BPTF: variants seen among roughly 807,000 people sequenced by gnomAD.
BPTF encodes the protein bromodomain PHD finger transcription factor, also known as nucleosome-remodeling factor subunit BPTF.
In BPTF, 18 loss-of-function variants were observed where a neutral mutation model predicts 292.5. The observed-to-expected ratio is 0.06, with a 90% CI of 0.04 to 0.09. The LOEUF is 0.09. Ranked by LOEUF, BPTF falls within the 10% of genes least tolerant of loss-of-function variation. BPTF has a pLI of 1.00. For missense variants in BPTF, 2,726 were observed against 3,498.7 expected (o/e 0.78, Z 5.57); for synonymous variants, 1,225 against 1,251.9 (o/e 0.98, Z 0.45).
intron 23 of BPTF, among the ~76,000 whole-genome samples, chr17:67,954,775 G>A (rs1481968102): frequency 3.3e-5 from 5 of 152,084 alleles, no homozygotes; most frequent in African/African-American, 4.8e-5. Flanking sequence ...CCCAAAATCC[G>A]TCCCATGATG....
intron 15 of BPTF, among the ~76,000 whole-genome samples, chr17:67,925,958 T>C (rs1322834939): frequency 6.6e-6 from 1 of 151,424 alleles, no homozygotes; most frequent in Admixed American, 6.6e-5. Flanking sequence ...ATTGGGTGTG[T>C]TTTCTCATCT....
At chr17:67,851,355 T>C (rs1321306731) in intron 1 of BPTF, among the ~76,000 whole-genome samples, 1 of 151,266 alleles carries the variant, frequency 6.6e-6, no homozygotes, top group African/African-American at 2.4e-5. Context: ...GATGAACGCC[T>C]CAAGGGGCTC....
At chr17:67,929,562 G>T in intron 17 of BPTF, 75 bp downstream of exon 17, 1 of 1,493,992 alleles carries the variant, frequency 6.7e-7, no homozygotes, top group Non-Finnish European at 9.1e-7. Context: ...CTTCTTCCAA[G>T]ATTAATCCAA....
chr17:67,918,121 A>G (rs538420237), intron 11 of BPTF, among the ~76,000 whole-genome samples: 1 of 149,704 alleles, frequency 6.7e-6, no homozygotes, highest in Non-Finnish European at 1.5e-5. Flanking sequence ...TTTTTAATAG[A>G]GATGGGGTTT....
Position 67,885,134 on chromosome 17 carries a change from G to A in BPTF, c.1865-6710G>A, listed in dbSNP as rs550031458. 8.5e-4 allele frequency among the ~76,000 whole-genome samples: 130 copies of A among 152,270 alleles called. 1 individual carries two copies. The highest frequency in any genetic ancestry group is 3.0e-3 in the African/African-American group (126 of 41,548). ...CTATCAACCAATTTTTAGGTGATTT[G>A]AAGAGTATCTTGTCAGTGGCAAAAA... On this transcript the variant is annotated intron_variant, in intron 4 of 27. Coordinates refer to ENST00000306378, the MANE Select transcript of BPTF (RefSeq NM_182641.4).
chr17:67,948,358 C>A, intron 23 of BPTF, 52 bp downstream of exon 23: 2 of 1,477,402 alleles, frequency 1.4e-6, no homozygotes, highest in South Asian at 1.3e-5. Context: ...ATCTGAGGTT[C>A]TGCTTTTTTC....
intron 26 of BPTF, among the ~76,000 whole-genome samples, chr17:67,968,905 T>C (rs1276985533): frequency 6.6e-6 from 1 of 151,192 alleles, no homozygotes; most frequent in African/African-American, 2.5e-5. Flanking sequence ...TGCTTGAACC[T>C]GGAAGGCAGA....
intron 2 of BPTF, among the ~76,000 whole-genome samples, chr17:67,865,719 A>T (rs2059354774): frequency 6.6e-6 from 1 of 152,128 alleles, no homozygotes; most frequent in East Asian, 1.9e-4. Context: ...CTAGTCCTAG[A>T]CATTAATTTG....
chr17:67,843,094 ATATC>A (rs1567878942), intron 1 of BPTF, among the ~76,000 whole-genome samples: 1 of 150,424 alleles, frequency 6.6e-6, no homozygotes. Flanking sequence ...GTAGATACAT[ATATC>A]TATATATATG....
In BPTF at chr17:67,929,501, C is replaced by A; in HGVS notation, c.6150+14C>A. 1 of 1,613,040 alleles carries A rather than the reference C, an allele frequency of 6.2e-7. No individual in the cohort carries two copies. Among genetic ancestry groups the A allele is most frequent in the South Asian group, 1.1e-5 (1 of 90,914 alleles). On this transcript the variant is annotated intron_variant, in intron 17 of 27. Coordinates refer to ENST00000306378, the MANE Select transcript of BPTF (RefSeq NM_182641.4). The stretch of plus-strand genomic sequence containing the variant: ...AGCAATTCACAAGTAAGAATTCTTA[C>A]AGACTTATTTGGTTTGATGTGTTGA...
intron 22 of BPTF, 74 bp from the exon 23 acceptor site, chr17:67,948,007 G>A: frequency 2.8e-6 from 4 of 1,436,142 alleles, no homozygotes; most frequent in Non-Finnish European, 3.9e-6. Context: ...ATCTGTAGAG[G>A]CATAGAAGAA....
chr17:67,880,047 C>G (rs2060296553), intron 4 of BPTF, among the ~76,000 whole-genome samples: 1 of 152,026 alleles, frequency 6.6e-6, no homozygotes, highest in Non-Finnish European at 1.5e-5. Context: ...CTTTAATCGC[C>G]TTTTTTTAAG....
At chr17:67,933,420 T>G (rs1473651824) in intron 18 of BPTF, among the ~76,000 whole-genome samples, 2 of 151,174 alleles carry the variant, frequency 1.3e-5, no homozygotes, top group African/African-American at 4.9e-5. Context: ...AAATAAAAAT[T>G]TAGCCAGGCA....
chr17:67,969,244 C>T (rs1555689340), intron 26 of BPTF, among the ~76,000 whole-genome samples: 2 of 150,866 alleles, frequency 1.3e-5, no homozygotes, highest in African/African-American at 4.9e-5. Context: ...ATCAGGAGTT[C>T]AAGACCAGCC....
intron 20 of BPTF, chr17:67,944,580 T>C: frequency 1.7e-6 from 1 of 587,876 alleles, no homozygotes; most frequent in East Asian, 2.9e-5. Context: ...CTCTCCCTCC[T>C]ATTAAAAAAG....
At chr17:67,926,360 T>C (rs1163142053) in intron 15 of BPTF, among the ~76,000 whole-genome samples, 2 of 138,812 alleles carry the variant, frequency 1.4e-5, no homozygotes, top group Non-Finnish European at 3.1e-5. Flanking sequence ...AGTCTCACTC[T>C]GTCACCCAGG....
chr17:67,974,492 C>G (rs1477792925), intron 26 of BPTF: 1 of 152,082 alleles, frequency 6.6e-6, no homozygotes, highest in Non-Finnish European at 1.5e-5. Context: ...GGGTTAGATC[C>G]CACAGGTTGG....
At position 67,946,037 on chromosome 17, in the gene BPTF, G is replaced by C; in HGVS notation, c.7329G>C (p.Gln2443His). 5.0e-6 allele frequency: 8 copies of C among 1,614,170 alleles called. No homozygotes were observed. Among genetic ancestry groups the C allele is most frequent in the Non-Finnish European group, 6.8e-6 (8 of 1,180,034 alleles). Residue 2443 changes from glutamine (Q) to histidine (H), a missense_variant, in exon 21 of 28, where the codon CAG becomes CAC. This residue lies in a region of BPTF where 570 missense variants were observed against 633.5 expected (regional missense o/e 0.90). Coordinates refer to ENST00000306378, the MANE Select transcript of BPTF (RefSeq NM_182641.4). ...TGCCTCAGCTGCAACAACAAGTCCA[G>C]GTTCTCTCTCAGATCCAGTCACAGG... Reference protein sequence around the residue: ...IAVPQLQQQVQVLSQIQSQVV... With the variant: ...IAVPQLQQQVHVLSQIQSQVV...
rs782477061 is a variant in BPTF, at chr17:67,944,230, G to A, written c.6558G>A (p.Val2186=). 5 of 1,614,042 alleles carry A rather than the reference G, an allele frequency of 3.1e-6. No homozygotes were observed. In the Admixed American group the frequency reaches 6.7e-5, roughly 22 times the overall value. The change falls in exon 20 of 28, where the codon GTG becomes GTA. Residue 2186 remains valine (V), a synonymous_variant. Transcript: ENST00000306378. ...TGQLQLIPQG[V]TVLPGPGQQL... ...AGTTGCAGTTGATACCTCAAGGGGT[G>A]ACTGTACTCCCAGGCCCAGGCCAGC...
Sources: gnomAD v4.1 joint callset for allele counts (sites outside exome capture counted in the v4.1 genomes callset) on GRCh38, gnomAD v4.1.1 for gene constraint, gnomAD v4.1.1 regional missense constraint, MANE v1.5 for transcripts, NCBI Gene and HGNC (gene_info 2026-07-23, HGNC 2026-07-21) for gene names.